The following IP6K1 variants were observed in gnomAD, a reference collection of about 807,000 sequenced individuals.
IP6K1 encodes the protein inositol hexakisphosphate kinase 1, also known as ATP:1D-myo-inositol-hexakisphosphate phosphotransferase.
IP6K1 carries 13 observed loss-of-function variants against 38.3 expected under a neutral mutation model. The observed-to-expected ratio is 0.34, with a 90% CI of 0.22 to 0.54. The LOEUF (loss-of-function observed/expected upper bound fraction) is 0.54, where lower values mean the gene tolerates loss of function less well. IP6K1 is among the 20% of genes least tolerant of loss of function. The pLI, the probability that IP6K1 is intolerant of heterozygous loss-of-function variation, is 0.92. For missense variants in IP6K1, 397 were observed against 599.8 expected, an observed-to-expected ratio of 0.66 and a Z score of 3.53; for synonymous variants, 212 against 229.9, an observed-to-expected ratio of 0.92 and a Z score of 0.70.
chr3:49,735,163 C>G (rs571750904), intron 3 of IP6K1, among the ~76,000 whole-genome samples: 1 of 152,098 alleles, frequency 6.6e-6, no homozygotes, highest in Non-Finnish European at 1.5e-5. Flanking sequence ...CAGACCACCC[C>G]GGGCAACAAA....
intron 1 of IP6K1, among the ~76,000 whole-genome samples, chr3:49,773,247 CAAACTT>C (rs1373089084): frequency 6.6e-6 from 1 of 152,200 alleles, no homozygotes; most frequent in Middle Eastern, 3.2e-3. Context: ...TGAAATTACT[CAAACTT>C]AATATGGGCT....
At chr3:49,758,875 C>T (rs1476194620) in intron 1 of IP6K1, among the ~76,000 whole-genome samples, 2 of 151,876 alleles carry the variant, frequency 1.3e-5, no homozygotes, top group South Asian at 2.1e-4. Flanking sequence ...ACAGGAGAAT[C>T]GCTTGAACCC....
chr3:49,747,523 C>T (rs886897627), intron 2 of IP6K1, among the ~76,000 whole-genome samples: 3 of 152,150 alleles, frequency 2.0e-5, no homozygotes, highest in African/African-American at 7.2e-5. Context: ...CCTCTTCTCT[C>T]CCAGACTAGT....
chr3:49,746,404 G>A (rs1478381823), intron 2 of IP6K1, among the ~76,000 whole-genome samples: 3 of 148,602 alleles, frequency 2.0e-5, no homozygotes, highest in Admixed American at 1.4e-4. Context: ...AGGCACGGTG[G>A]CTCACGCTTG....
Position 49,732,951 on chromosome 3 carries a change from C to T in IP6K1, c.456G>A (p.Pro152=), listed in dbSNP as rs372018242. 8.7e-6 allele frequency: 14 copies of T among 1,613,294 alleles called. No homozygotes were observed. The highest frequency in any genetic ancestry group is 3.3e-5 in the Admixed American group (2 of 59,938). The change falls in exon 4 of 6, where the codon CCG becomes CCA. Residue 152 remains proline, a synonymous_variant. Coordinates refer to ENST00000321599, the MANE Select transcript of IP6K1 (RefSeq NM_153273.4). ...CTGAGTGGCTGTGCAGCTCCACCTTCGGACTCTTTGCCTCCTGTGAGCTAA... is the reference window on the plus strand; with the variant it reads ...CTGAGTGGCTGTGCAGCTCCACCTTTGGACTCTTTGCCTCCTGTGAGCTAA... ...TSESSQEAKS[P]KVELHSHSEV...
At chr3:49,728,364 G>A (rs753220140) in intron 4 of IP6K1, 86 bp from the exon 5 acceptor site, 31 of 1,313,116 alleles carry the variant, frequency 2.4e-5, no homozygotes, top group Non-Finnish European at 3.2e-5. Flanking sequence ...ATAAAAGGGG[G>A]CTTTTACCTA....
intron 4 of IP6K1, among the ~76,000 whole-genome samples, chr3:49,730,570 G>A (rs773928130): frequency 3.3e-5 from 5 of 151,942 alleles, no homozygotes; most frequent in Non-Finnish European, 5.9e-5. Context: ...TTTTTAGGAT[G>A]CAGTCTTGCT....
At chr3:49,731,699 T>C (rs1177824865) in intron 4 of IP6K1, among the ~76,000 whole-genome samples, 1 of 152,076 alleles carries the variant, frequency 6.6e-6, no homozygotes, top group Non-Finnish European at 1.5e-5. Context: ...GTTATTTGTC[T>C]ACTACTTCAA....
chr3:49,785,989 G>C (rs2081109443), intron 1 of IP6K1: 1 of 152,306 alleles, frequency 6.6e-6, no homozygotes, highest in African/African-American at 2.4e-5. Context: ...ATCTAAGAAA[G>C]AGGTAAGTCT....
chr3:49,785,827 C>T (rs2081107923), intron 1 of IP6K1: 1 of 152,248 alleles, frequency 6.6e-6, no homozygotes, highest in Admixed American at 6.5e-5. Flanking sequence ...ACGTGAGGTT[C>T]CGAACGGGTC....
At chr3:49,766,384 C>A (rs2080911532) in intron 1 of IP6K1, among the ~76,000 whole-genome samples, 1 of 150,306 alleles carries the variant, frequency 6.7e-6, no homozygotes, top group South Asian at 2.1e-4. Context: ...AAAAGAAACG[C>A]CAGGCGCTGT....
At chr3:49,752,530 T>C (rs1004766133) in intron 1 of IP6K1, among the ~76,000 whole-genome samples, 2 of 150,550 alleles carry the variant, frequency 1.3e-5, no homozygotes, top group Non-Finnish European at 3.0e-5. Flanking sequence ...TTTGCATGTG[T>C]GTGTGTGTGT....
chr3:49,745,444 C>T (rs190042665), intron 2 of IP6K1, among the ~76,000 whole-genome samples: 104 of 152,258 alleles, frequency 6.8e-4, no homozygotes, highest in African/African-American at 2.5e-3. Context: ...CAACCCAGGC[C>T]AGTCATGGTG....
intron 4 of IP6K1, among the ~76,000 whole-genome samples, chr3:49,729,313 A>C (rs948725864): frequency 1.3e-5 from 2 of 152,128 alleles, no homozygotes; most frequent in African/African-American, 4.8e-5. Flanking sequence ...ATAATTTTCC[A>C]TTGTATGTAT....
chr3:49,774,021 C>A (rs1401691771), intron 1 of IP6K1, among the ~76,000 whole-genome samples: 1 of 146,764 alleles, frequency 6.8e-6, no homozygotes, highest in Non-Finnish European at 1.5e-5. Context: ...ACACACACAA[C>A]ACACACATAA....
intron 1 of IP6K1, among the ~76,000 whole-genome samples, chr3:49,752,810 G>A (rs1207180083): frequency 6.7e-6 from 1 of 149,262 alleles, no homozygotes; most frequent in South Asian, 2.1e-4. Context: ...CTGGAGTGCA[G>A]TGGTGCGATC....
intron 4 of IP6K1, among the ~76,000 whole-genome samples, chr3:49,729,416 A>ATT (rs60773944): frequency 1.7e-4 from 25 of 147,352 alleles, no homozygotes; most frequent in East Asian, 1.2e-3. Context: ...TTTTTATTTT[A>ATT]TTTTTTTTTT....
chr3:49,736,312 C>T (rs183440526), intron 3 of IP6K1, among the ~76,000 whole-genome samples: 1 of 152,254 alleles, frequency 6.6e-6, no homozygotes, highest in East Asian at 1.9e-4. Flanking sequence ...ATTTTCAGAA[C>T]ATTTCATGAC....
chr3:49,740,225 A>ATCCT (rs1553693842), intron 2 of IP6K1, among the ~76,000 whole-genome samples: 2 of 130,812 alleles, frequency 1.5e-5, no homozygotes, highest in African/African-American at 2.8e-5. Flanking sequence ...AAAATTTGCA[A>ATCCT]TTCTTTTTTT....
Sources: gnomAD v4.1 joint callset for allele counts (sites outside exome capture counted in the v4.1 genomes callset) on GRCh38, gnomAD v4.1.1 for gene constraint, MANE v1.5 for transcripts, NCBI Gene and HGNC (gene_info 2026-07-23, HGNC 2026-07-21) for gene names.